Variants in MUC4 observed in about 807,000 individuals in gnomAD.
MUC4 encodes the protein mucin 4, cell surface associated, also known as mucin-4.
Under a neutral mutation model 257.9 loss-of-function variants are expected in MUC4, and 202 were observed. That is an observed-to-expected ratio of 0.78 (90% confidence interval 0.70 to 0.88). The LOEUF is 0.88. Ranked by LOEUF, MUC4 falls within the 40% of genes least tolerant of loss-of-function variation. MUC4 has a pLI of 0.00. For synonymous variants in MUC4, 2,351 were observed against 2,757.1 expected, an observed-to-expected ratio of 0.85 and a Z score of 4.62; for missense variants, 5,976 against 6,513.7, an observed-to-expected ratio of 0.92 and a Z score of 2.84.
At chr3:195,763,020 C>T (rs890188563) in intron 12 of MUC4, 75 bp from the exon 13 acceptor site, 1 of 1,266,362 alleles carries the variant, frequency 7.9e-7, no homozygotes, top group East Asian at 2.6e-5. Flanking sequence ...CTGGGAGAGC[C>T]CCTGGGGCTG....
chr3:195,789,520 G>C lies in MUC4; in HGVS notation c.2060C>G (p.Pro687Arg). 4 of 1,613,938 alleles carry C rather than the reference G, an allele frequency of 2.5e-6. No individual in the cohort carries two copies. The East Asian group carries it at 6.7e-5, about 27-fold the overall frequency. Reference sequence around the variant, plus strand: ...AAAGGTTGTTGCTGCACTTATGGTGGGTGCGTCCTGAGGAACAATTTCTGA... The same window carrying C: ...AAAGGTTGTTGCTGCACTTATGGTGCGTGCGTCCTGAGGAACAATTTCTGA... ...SPSEIVPQDA[P>R]TISAATTFAP... is the part of the protein sequence containing the mutation. Residue 687 changes from proline to arginine, a missense_variant, in exon 2 of 25, where the codon CCC becomes CGC. Transcript: ENST00000463781.
At position 195,789,706 on chromosome 3, in the gene MUC4, C is replaced by T; in HGVS notation, c.1874G>A (p.Ser625Asn). ...STNHSTIHST[S>N]TSPQESPAVS... Reference sequence around the variant, plus strand: ...AGCTGGTGATTCCTGAGGAGAGGTGCTTGTGGAATGTATTGTTGAATGATT... The same window carrying T: ...AGCTGGTGATTCCTGAGGAGAGGTGTTTGTGGAATGTATTGTTGAATGATT... Residue 625 changes from serine (S) to asparagine (N), a missense_variant, in exon 2 of 25, where the codon AGC (serine) becomes AAC (asparagine). Coordinates refer to ENST00000463781, the MANE Select transcript of MUC4 (RefSeq NM_018406.7). 1 of 1,613,804 alleles carries T rather than the reference C, an allele frequency of 6.2e-7. No homozygotes were observed. Among genetic ancestry groups the T allele is most frequent in the East Asian group, 2.2e-5 (1 of 44,878 alleles).
In MUC4 at chr3:195,779,685, G is replaced by A. The variant is rs371889626; in HGVS notation, c.11895C>T (p.His3965=). The change falls in exon 2 of 25, where the codon CAC becomes CAT. Residue 3965 remains histidine, a synonymous_variant. Coordinates refer to ENST00000463781, the MANE Select transcript of MUC4 (RefSeq NM_018406.7). The stretch of plus-strand genomic sequence containing the variant: ...GGCTGGTGACAGGAAGAGAGGTGGC[G>A]TGACCTGTGGATACTGAGGAAGTGT... ...VTDTSSVSTG[H]ATSLPVTSRS... 1.0e-5 allele frequency: 12 copies of A among 1,203,814 alleles called. No homozygotes were observed. Among genetic ancestry groups the A allele is most frequent in the South Asian group, 5.6e-5 (4 of 71,640 alleles). The allele number at this position is 1,203,814 out of a possible 1,614,324, so 74.6% of individuals were successfully genotyped here.
Position 195,763,637 on chromosome 3 carries a change from C to T in MUC4, c.14049G>A (p.Trp4683Ter), listed in dbSNP as rs765959311. ...TGGTGATGTGGGGGTCCCCGAACAT[C>T]CAGGCTGGAAGGAAAAAAGAGATGC... ...CATYRPPQPA[W>*]MFGDPHITTL... The change falls in exon 12 of 25, where the codon TGG (tryptophan) becomes TGA (stop). Residue 4683 changes from tryptophan (W) to a stop codon, truncating the protein, a stop_gained. Transcript: ENST00000463781. LOFTEE classifies it high-confidence loss of function. The T allele has an allele frequency of 6.6e-7, 1 of 1,525,316 alleles. No homozygotes were observed. The highest frequency in any genetic ancestry group is 8.9e-7 in the Non-Finnish European group (1 of 1,129,148). 94.5% of individuals were successfully genotyped at this position (1,525,316 alleles called of 1,614,324 possible). A position where few individuals can be genotyped will look rare whatever the true frequency, so the allele number is the denominator to read the frequency against.
Position 195,781,812 on chromosome 3 carries a change from T to A in MUC4, c.9768A>T (p.Ser3256=). 9.4e-7 allele frequency: 1 copy of A among 1,063,466 alleles called. No homozygotes were observed. The highest frequency in any genetic ancestry group is 1.8e-5 in the South Asian group (1 of 54,070). The allele number at this position is 1,063,466 out of a possible 1,614,324, so 65.9% of individuals were successfully genotyped here. ...ATSLPVTDTS[S]ASTGDTTSLP... is the part of the protein sequence containing the mutation. ...GAGAGGTGGTGTCACCTGTGGATGC[T>A]GAGGAAGTGTCGGTGACAGGAAGAG... is the stretch of plus-strand genomic sequence containing the variant. The change falls in exon 2 of 25, where the codon TCA becomes TCT. Residue 3256 remains serine, a synonymous_variant. Transcript: ENST00000463781.
In MUC4 at chr3:195,782,309, C is replaced by G. The variant is rs879684281; in HGVS notation, c.9271G>C (p.Val3091Leu). 2.5e-5 allele frequency: 38 copies of G among 1,541,092 alleles called. No individual in the cohort carries two copies. In the South Asian group the frequency reaches 3.6e-4, roughly 15 times the overall value. Reference protein sequence around the residue: ...ASTGHATPLPVTSLSSVSTGD... With the variant: ...ASTGHATPLPLTSLSSVSTGD... ...GTGGATACTGAGGAAAGGCTGGTGA[C>G]AGGAAGAGGGGTGGCGTGACCTGTG... Residue 3091 changes from valine (V) to leucine (L), a missense_variant, in exon 2 of 25, where the codon GTC (valine) becomes CTC (leucine). Transcript: ENST00000463781.
At position 195,746,885 on chromosome 3, in the gene MUC4, C is replaced by CGTGT. The variant is rs71180950; in HGVS notation, c.*287_*290dup. 1.1e-3 allele frequency: 528 copies of CGTGT among 485,476 alleles called. No individual in the cohort carries two copies. Among genetic ancestry groups the CGTGT allele is most frequent in the Admixed American group, 1.5e-3 (41 of 26,784 alleles). The allele number at this position is 485,476 out of a possible 1,614,324, so 30.1% of individuals were successfully genotyped here. A position where few individuals can be genotyped will look rare whatever the true frequency, so the allele number is the denominator to read the frequency against. Reference sequence around the variant, plus strand: ...TAGGGCCATCACCACATTATGAACTCGTGTGTGTGTGTGTGTGTGTGCACG... The same window carrying CGTGT: ...TAGGGCCATCACCACATTATGAACTCGTGTGTGTGTGTGTGTGTGTGTGTGCACG... On this transcript the variant is annotated 3_prime_UTR_variant, in exon 25 of 25. Transcript: ENST00000463781.
intron 4 of MUC4, 73 bp from the exon 5 acceptor site, chr3:195,771,889 C>G: frequency 6.5e-7 from 1 of 1,527,764 alleles, no homozygotes; most frequent in South Asian, 1.2e-5. Flanking sequence ...TGGTCCAGCT[C>G]CTCAAAAGCG....
intron 1 of MUC4, among the ~76,000 whole-genome samples, chr3:195,801,813 C>T (rs573871911): frequency 6.6e-6 from 1 of 152,078 alleles, no homozygotes; most frequent in South Asian, 2.1e-4. Flanking sequence ...GTATTGCGCC[C>T]CCCCCTCCAC....
Position 195,789,003 on chromosome 3 carries a change from T to C in MUC4, c.2577A>G (p.Val859=). The C allele has an allele frequency of 6.2e-7, 1 of 1,613,768 alleles. No individual in the cohort carries two copies. The highest frequency in any genetic ancestry group is 8.5e-7 in the Non-Finnish European group (1 of 1,179,802). The stretch of plus-strand genomic sequence containing the variant: ...CGATCGAAGACGCCATTCCTGTGCT[T>C]ACTGGGATGGCACCATGACTGGCTG... ...SASASHGAIP[V]STGMASSIVP... Residue 859 remains valine, a synonymous_variant, in exon 2 of 25, where the codon GTA becomes GTG. Transcript: ENST00000463781.
Position 195,779,539 on chromosome 3 carries a change from GCGTGA to G in MUC4, c.12036_12040del (p.Ala4014ProfsTer30). On this transcript the variant is annotated frameshift_variant, in exon 2 of 25. Coordinates refer to ENST00000463781, the MANE Select transcript of MUC4 (RefSeq NM_018406.7). LOFTEE classifies it high-confidence loss of function. ...AGGGCTGGTGACAGGAAGAGGGGTG[GCGTGA>G]CCTGTAGATACTGAGGAAGTGCTGG... 1 of 999,636 alleles carries G rather than the reference GCGTGA, an allele frequency of 1.0e-6. No individual in the cohort carries two copies. Among genetic ancestry groups the G allele is most frequent in the East Asian group, 5.9e-5 (1 of 16,932 alleles). 61.9% of individuals were successfully genotyped at this position (999,636 alleles called of 1,614,324 possible). A position where few individuals can be genotyped will look rare whatever the true frequency, so the allele number is the denominator to read the frequency against.
chr3:195,768,374 A>AGCCTCCCACACACG (rs1722082040), intron 7 of MUC4, among the ~76,000 whole-genome samples: 1 of 152,234 alleles, frequency 6.6e-6, no homozygotes, highest in African/African-American at 2.4e-5. Flanking sequence ...CATCGGAGAC[A>AGCCTCCCACACACG]GCCTCCCACA....
At chr3:195,778,212 G>C in intron 3 of MUC4, 91 bp downstream of exon 3, 1 of 1,449,046 alleles carries the variant, frequency 6.9e-7, no homozygotes, top group Non-Finnish European at 9.2e-7. Flanking sequence ...CTCCCCACCC[G>C]AGAGAGCGGA....
At chr3:195,764,697 C>A (rs1236258381) in intron 10 of MUC4, among the ~76,000 whole-genome samples, 1 of 152,132 alleles carries the variant, frequency 6.6e-6, no homozygotes, top group Non-Finnish European at 1.5e-5. Flanking sequence ...CCCCAAACAT[C>A]CTGCTCATCT....
chr3:195,810,380 A>AC lies in MUC4; in HGVS notation c.82+1355dup, dbSNP rs1736547314. ...ACTCTAACCCCAGCTTGAACTCTGG[A>AC]CCCCAGACTCTCCCCCAAAGACTCA... On this transcript the variant is annotated intron_variant, in intron 1 of 24. Transcript: ENST00000463781. This position sits in a 1 kb window ranked among gnomAD's most constrained non-coding sequence, Gnocchi z 4.2. 6.6e-6 allele frequency: 1 copy of AC among 152,338 alleles called. No homozygotes were observed. The highest frequency in any genetic ancestry group is 6.5e-5 in the Admixed American group (1 of 15,284). The allele number at this position is 152,338 out of a possible 1,614,324, so 9.4% of individuals were successfully genotyped here.
intron 14 of MUC4, 47 bp from the exon 15 acceptor site, chr3:195,761,632 C>T (rs1328449417): frequency 1.4e-6 from 2 of 1,463,196 alleles, no homozygotes; most frequent in Non-Finnish European, 1.9e-6. Flanking sequence ...CGCGGCTGTC[C>T]CCTTCCTGGG....
rs761647245 is a variant in MUC4, at chr3:195,791,356, T to A, written c.224A>T (p.Gln75Leu). 6 of 1,614,000 alleles carry A rather than the reference T, an allele frequency of 3.7e-6. No homozygotes were observed. The South Asian group carries it at 5.5e-5, about 15-fold the overall frequency. ...TSNQDISASS[Q>L]NHQTKSTETT... is the part of the protein sequence containing the mutation. ...CTCCGTGCTCTTAGTCTGGTGGTTC[T>A]GAGATGAAGCTGATATGTCCTGATT... The change falls in exon 2 of 25, where the codon CAG becomes CTG. Residue 75 changes from glutamine (Q) to leucine (L), a missense_variant. Gln to Leu is a moderately radical substitution (Grantham distance 113). Coordinates refer to ENST00000463781, the MANE Select transcript of MUC4 (RefSeq NM_018406.7).
chr3:195,751,632 G>T (rs1279810846), intron 21 of MUC4: 3 of 383,570 alleles, frequency 7.8e-6, no homozygotes, highest in Admixed American at 4.2e-5. Flanking sequence ...GATGGTCGGG[G>T]CTGGGGGTGT....
Position 195,780,494 on chromosome 3 carries a change from G to C in MUC4, c.11086C>G (p.Pro3696Ala), listed in dbSNP as rs75737861. 68 of 353,256 alleles carry C rather than the reference G, an allele frequency of 1.9e-4. 18 individuals carry two copies. The highest frequency in any genetic ancestry group is 1.8e-3 in the Middle Eastern group (2 of 1,122). 21.9% of individuals were successfully genotyped at this position (353,256 alleles called of 1,614,324 possible). A position where few individuals can be genotyped will look rare whatever the true frequency, so the allele number is the denominator to read the frequency against. The change falls in exon 2 of 25, where the codon CCT becomes GCT. Residue 3696 changes from proline (P) to alanine (A), a missense_variant. Pro to Ala is a conservative substitution (Grantham distance 27). This residue lies in a region of MUC4 where 330 missense variants were observed against 262.0 expected (regional missense o/e 1.26). Coordinates refer to ENST00000463781, the MANE Select transcript of MUC4 (RefSeq NM_018406.7). Reference protein sequence around the residue: ...TSSASTGQATPLPVTIPSSSS... With the variant: ...TSSASTGQATALPVTIPSSSS... ...GAGGAAGGGATGGTGACAGGAAGAG[G>C]GGTGGCCTGACCTGTGGATGCTGAG...
Sources: allele counts gnomAD v4.1 joint callset (sites outside exome capture counted in the v4.1 genomes callset), GRCh38; gene constraint gnomAD v4.1.1; regional missense constraint gnomAD v4.1.1; non-coding constraint Gnocchi (gnomAD v3.1); transcripts MANE v1.5; gene names NCBI Gene and HGNC (gene_info 2026-07-23, HGNC 2026-07-21).